The following OXCT1 variants were observed in gnomAD, a reference collection of about 807,000 sequenced individuals.
The protein encoded by OXCT1 is succinyl-CoA:3-ketoacid coenzyme A transferase 1, mitochondrial.
A neutral mutation model predicts 69.6 loss-of-function variants in OXCT1; 27 were observed. The observed-to-expected ratio is 0.39, with a 90% CI of 0.29 to 0.54. The LOEUF (loss-of-function observed/expected upper bound fraction) is 0.54. Among genes scored for constraint, OXCT1 ranks in the 20% least tolerant of loss-of-function variants. The pLI is 0.72. For missense variants in OXCT1, 437 were observed against 650.2 expected, an observed-to-expected ratio of 0.67 and a Z score of 3.57; for synonymous variants, 202 against 217.8, an observed-to-expected ratio of 0.93 and a Z score of 0.64.
chr5:41,858,584 G>A (rs1749565061), intron 3 of OXCT1, among the ~76,000 whole-genome samples: 1 of 152,026 alleles, frequency 6.6e-6, no homozygotes, highest in East Asian at 1.9e-4. Flanking sequence ...AAAAGTCTAA[G>A]GCCAAGAATT....
At chr5:41,831,129 A>C (rs574058553) in intron 7 of OXCT1, among the ~76,000 whole-genome samples, 1 of 152,240 alleles carries the variant, frequency 6.6e-6, no homozygotes, top group Non-Finnish European at 1.5e-5. Flanking sequence ...CAATGTCAAA[A>C]GTCACAGTCT....
chr5:41,749,738 C>A, intron 14 of OXCT1, 131 bp from the exon 15 acceptor site: 1 of 677,894 alleles, frequency 1.5e-6, no homozygotes, highest in Non-Finnish European at 2.7e-6. Flanking sequence ...AGAATTTTTG[C>A]ACAGTTACAT....
chr5:41,803,824 G>T (rs1746538170), intron 9 of OXCT1, among the ~76,000 whole-genome samples: 1 of 152,058 alleles, frequency 6.6e-6, no homozygotes, highest in African/African-American at 2.4e-5. Flanking sequence ...TTCCTTAAAT[G>T]ATCAAAACAG....
intron 15 of OXCT1, among the ~76,000 whole-genome samples, chr5:41,744,336 G>C (rs142465025): frequency 0.011 from 1,707 of 152,284 alleles, 30 homozygotes; most frequent in Middle Eastern, 0.034. Context: ...CTTTGCTGAA[G>C]TTGCTTATCA....
intron 2 of OXCT1, among the ~76,000 whole-genome samples, 193 bp from the exon 3 acceptor site, chr5:41,861,597 A>G (rs539608462): frequency 6.6e-6 from 1 of 152,350 alleles, no homozygotes; most frequent in South Asian, 2.1e-4. Flanking sequence ...GCACCATTAT[A>G]TCACATATCA....
At chr5:41,800,896 T>A in intron 11 of OXCT1, 126 bp downstream of exon 11, 1 of 831,214 alleles carries the variant, frequency 1.2e-6, no homozygotes, top group South Asian at 1.4e-5. Flanking sequence ...AAAAAGCTTA[T>A]CTCTCCTCCT....
chr5:41,776,805 A>G (rs1358626270), intron 13 of OXCT1, among the ~76,000 whole-genome samples: 3 of 152,140 alleles, frequency 2.0e-5, no homozygotes, highest in Non-Finnish European at 4.4e-5. Context: ...TTACTATCCA[A>G]TTCATTATGT....
rs774297248 is a variant in OXCT1, at chr5:41,870,331, C to T, written c.28G>A (p.Gly10Arg). Residue 10 changes from glycine to arginine, a missense_variant, in exon 1 of 17, where the codon GGG (glycine) becomes AGG (arginine). Physicochemically the swap from Gly to Arg is moderately radical, Grantham distance 125. This residue lies in a region of OXCT1 where 79 missense variants were observed against 61.5 expected (regional missense o/e 1.28). Coordinates refer to ENST00000196371, the MANE Select transcript of OXCT1 (RefSeq NM_000436.4). The surrounding 1 kb of genome is among the most constrained non-coding windows in gnomAD (Gnocchi z 4.2). ...CGGGCAGAGGCGCAGAGCCGAAGCCCGGAGGAGAGGAGTTTGAGAGCCGCC... is the reference window on the plus strand; with the variant it reads ...CGGGCAGAGGCGCAGAGCCGAAGCCTGGAGGAGAGGAGTTTGAGAGCCGCC... MAALKLLSS[G>R]LRLCASARGS... 7 of 1,613,670 alleles carry T rather than the reference C, an allele frequency of 4.3e-6. No individual in the cohort carries two copies. Among genetic ancestry groups the T allele is most frequent in the Non-Finnish European group, 5.1e-6 (6 of 1,179,912 alleles).
rs981378235 is a variant in OXCT1, at chr5:41,812,617, T to C, written c.733-5179A>G. ...GATAAGGAAAGGGTGGCTCCTGGGGTGATTTTGTTTTTGCTGCCACTGCTG... is the reference window on the plus strand; with the variant it reads ...GATAAGGAAAGGGTGGCTCCTGGGGCGATTTTGTTTTTGCTGCCACTGCTG... On this transcript the variant is annotated intron_variant, in intron 7 of 16. Coordinates refer to ENST00000196371, the MANE Select transcript of OXCT1 (RefSeq NM_000436.4). 4.6e-5 allele frequency among the ~76,000 whole-genome samples: 7 copies of C among 151,952 alleles called. No homozygotes were observed. In the East Asian group the frequency reaches 7.8e-4, roughly 17 times the overall value.
chr5:41,847,428 T>G (rs1186249226), intron 5 of OXCT1, among the ~76,000 whole-genome samples: 1 of 152,196 alleles, frequency 6.6e-6, no homozygotes, highest in African/African-American at 2.4e-5. Flanking sequence ...TAACTCATTT[T>G]ATGAGGCCAG....
chr5:41,793,166 G>C (rs897698041), intron 13 of OXCT1, among the ~76,000 whole-genome samples: 2 of 152,170 alleles, frequency 1.3e-5, no homozygotes, highest in African/African-American at 2.4e-5. Flanking sequence ...AAATTTAAGA[G>C]ATTTCAAGAA....
At chr5:41,841,453 G>C (rs1210662039) in intron 6 of OXCT1, among the ~76,000 whole-genome samples, 2 of 152,136 alleles carry the variant, frequency 1.3e-5, no homozygotes, top group Non-Finnish European at 2.9e-5. Context: ...TCCCCCACTT[G>C]AATAACCTAG....
At chr5:41,790,633 A>G (rs962694896) in intron 13 of OXCT1, among the ~76,000 whole-genome samples, 1 of 152,238 alleles carries the variant, frequency 6.6e-6, no homozygotes, top group African/African-American at 2.4e-5. Context: ...ACAGCCATTG[A>G]AAGATTATTA....
At chr5:41,869,296 A>G (rs903226573) in intron 1 of OXCT1, among the ~76,000 whole-genome samples, 1 of 152,240 alleles carries the variant, frequency 6.6e-6, no homozygotes, top group African/African-American at 2.4e-5. Flanking sequence ...CACCGTGTGC[A>G]TGGCACGCTG....
intron 14 of OXCT1, among the ~76,000 whole-genome samples, chr5:41,753,554 A>G (rs965964855): frequency 6.6e-6 from 1 of 152,060 alleles, no homozygotes; most frequent in African/African-American, 2.4e-5. Flanking sequence ...GTTGGCTCAG[A>G]CACCATCTTC....
intron 5 of OXCT1, among the ~76,000 whole-genome samples, chr5:41,843,391 T>C (rs1274928689): frequency 6.6e-6 from 1 of 152,200 alleles, no homozygotes; most frequent in Non-Finnish European, 1.5e-5. Context: ...AGCTTTATTT[T>C]TTTTCTTAGG....
intron 13 of OXCT1, among the ~76,000 whole-genome samples, chr5:41,763,921 A>G (rs907885374): frequency 6.6e-6 from 1 of 152,206 alleles, no homozygotes; most frequent in Non-Finnish European, 1.5e-5. Flanking sequence ...TGATTTATAC[A>G]TTTTAAATTA....
At chr5:41,775,443 CA>C (rs151319659) in intron 13 of OXCT1, among the ~76,000 whole-genome samples, 4,313 of 152,248 alleles carry the variant, frequency 0.028, 103 homozygotes, top group Non-Finnish European at 0.04. Context: ...ATGTATAGGG[CA>C]AGGTTTGAGG....
intron 13 of OXCT1, among the ~76,000 whole-genome samples, chr5:41,790,299 C>G (rs1745853028): frequency 6.6e-6 from 1 of 152,214 alleles, no homozygotes; most frequent in Admixed American, 6.5e-5. Flanking sequence ...TCAGAAAGCA[C>G]TAGAGCAGCT....
Sources: gnomAD v4.1 joint callset for allele counts (sites outside exome capture counted in the v4.1 genomes callset) on GRCh38, gnomAD v4.1.1 for gene constraint, gnomAD v4.1.1 regional missense constraint, Gnocchi (gnomAD v3.1) non-coding constraint, MANE v1.5 for transcripts, NCBI Gene and HGNC (gene_info 2026-07-23, HGNC 2026-07-21) for gene names.